IQGAP2: variants seen among roughly 807,000 people sequenced by gnomAD.
The protein encoded by IQGAP2 is ras GTPase-activating-like protein IQGAP2.
Under a neutral mutation model 201.3 loss-of-function variants are expected in IQGAP2, and 173 were observed. The observed-to-expected ratio is 0.86, with a 90% CI of 0.76 to 0.98. The LOEUF is 0.98. IQGAP2 is among the 50% of genes least tolerant of loss of function. The pLI is 0.00. For missense variants in IQGAP2, 1,687 were observed against 1,864.8 expected (o/e 0.90, Z 1.76); for synonymous variants, 675 against 673.9 (o/e 1.00, Z -0.03).
At chr5:76,623,595 G>A in intron 13 of IQGAP2, among the ~76,000 whole-genome samples, 1 of 152,176 alleles carries the variant, frequency 6.6e-6, no homozygotes, top group Middle Eastern at 3.2e-3. Flanking sequence ...ACAGAACTAA[G>A]CCAAAAACAG....
intron 13 of IQGAP2, among the ~76,000 whole-genome samples, chr5:76,618,836 G>A (rs759307244): frequency 4.6e-5 from 7 of 152,136 alleles, no homozygotes; most frequent in South Asian, 2.1e-4. Context: ...TATCTTGTGC[G>A]GAAACAAAAA....
intron 1 of IQGAP2, among the ~76,000 whole-genome samples, chr5:76,442,732 A>G (rs1192556759): frequency 6.6e-6 from 1 of 152,204 alleles, no homozygotes; most frequent in African/African-American, 2.4e-5. Context: ...CACACCTGTA[A>G]TCCCAGCACT....
At chr5:76,423,218 C>T (rs115823434) in intron 1 of IQGAP2, among the ~76,000 whole-genome samples, 24 of 152,276 alleles carry the variant, frequency 1.6e-4, no homozygotes, top group African/African-American at 5.5e-4. Context: ...TTTTTTGGCA[C>T]AGTGACTGTC....
intron 2 of IQGAP2, among the ~76,000 whole-genome samples, chr5:76,500,946 A>G (rs1273237070): frequency 6.6e-6 from 1 of 152,162 alleles, no homozygotes; most frequent in Non-Finnish European, 1.5e-5. Context: ...GAGTATGCCA[A>G]AGGACTGAGA....
At chr5:76,589,935 C>T (rs1746529019) in intron 7 of IQGAP2, among the ~76,000 whole-genome samples, 1 of 152,202 alleles carries the variant, frequency 6.6e-6, no homozygotes, top group South Asian at 2.1e-4. Flanking sequence ...ACTTGTACAA[C>T]ATGAATTGAG....
chr5:76,556,347 A>G (rs1743942586), intron 2 of IQGAP2, among the ~76,000 whole-genome samples: 1 of 152,160 alleles, frequency 6.6e-6, no homozygotes, highest in African/African-American at 2.4e-5. Flanking sequence ...AGAGAAGGGA[A>G]GATGGAGCCG....
At position 76,668,753 on chromosome 5, in the gene IQGAP2, G is replaced by C. The variant is rs1332091456; in HGVS notation, c.2752G>C (p.Val918Leu). ...QNKSTKFMDT[V>L]IFTLYNYASN... ...CAAGTCCACTAAATTTATGGATACTGTTATTTTCACACTATATAATTATGC... is the reference window on the plus strand; with the variant it reads ...CAAGTCCACTAAATTTATGGATACTCTTATTTTCACACTATATAATTATGC... The change falls in exon 23 of 36, where the codon GTT becomes CTT. Residue 918 changes from valine to leucine, a missense_variant. Physicochemically the swap from Val to Leu is conservative, Grantham distance 32. Coordinates refer to ENST00000274364, the MANE Select transcript of IQGAP2 (RefSeq NM_006633.5). The C allele has an allele frequency of 6.2e-7, 1 of 1,610,730 alleles. No individual in the cohort carries two copies. The highest frequency in any genetic ancestry group is 2.2e-5 in the East Asian group (1 of 44,696).
At chr5:76,611,283 T>C in intron 13 of IQGAP2, 100 bp downstream of exon 13, 1 of 808,870 alleles carries the variant, frequency 1.2e-6, no homozygotes, top group Non-Finnish European at 1.9e-6. Context: ...TCTCATGAGC[T>C]TCTTGTCCCA....
chr5:76,416,765 A>T (rs1303189334), intron 1 of IQGAP2, among the ~76,000 whole-genome samples: 2 of 151,814 alleles, frequency 1.3e-5, no homozygotes, highest in African/African-American at 4.8e-5. Flanking sequence ...TGACCTCGTG[A>T]TCCGCCCACC....
chr5:76,653,719 G>T (rs1012013480), intron 18 of IQGAP2, among the ~76,000 whole-genome samples: 1 of 152,204 alleles, frequency 6.6e-6, no homozygotes, highest in East Asian at 1.9e-4. Context: ...TGGAACATAT[G>T]CCTATTCTGT....
At chr5:76,529,692 T>C (rs556830808) in intron 2 of IQGAP2, among the ~76,000 whole-genome samples, 16 of 150,310 alleles carry the variant, frequency 1.1e-4, no homozygotes, top group Non-Finnish European at 2.1e-4. Context: ...ATTTTTAAAG[T>C]AATATTTAAT....
intron 2 of IQGAP2, among the ~76,000 whole-genome samples, chr5:76,540,292 T>C (rs1192294326): frequency 1.3e-5 from 2 of 152,152 alleles, no homozygotes; most frequent in Non-Finnish European, 2.9e-5. Context: ...ATTAAGTAGA[T>C]ACAAGAAAGA....
intron 32 of IQGAP2, among the ~76,000 whole-genome samples, chr5:76,697,086 C>T (rs1006214753): frequency 1.2e-4 from 18 of 152,160 alleles, no homozygotes; most frequent in Non-Finnish European, 2.4e-4. Context: ...AAACTTATAT[C>T]TGCAAGTTTA....
intron 28 of IQGAP2, among the ~76,000 whole-genome samples, chr5:76,682,466 TAAAA>T (rs113958575): frequency 2.2e-5 from 3 of 138,278 alleles, no homozygotes; most frequent in Non-Finnish European, 4.8e-5. Context: ...TTGTTTAAAT[TAAAA>T]AAAAAAAAAA....
chr5:76,567,719 A>G (rs1744852622), intron 3 of IQGAP2, among the ~76,000 whole-genome samples: 2 of 152,206 alleles, frequency 1.3e-5, no homozygotes, highest in African/African-American at 4.8e-5. Flanking sequence ...CATCTGTAAA[A>G]TAAGCAAATT....
At chr5:76,697,835 G>A (rs1746896206) in intron 32 of IQGAP2, 152 bp from the exon 33 acceptor site, 1 of 555,236 alleles carries the variant, frequency 1.8e-6, no homozygotes, top group Middle Eastern at 4.8e-4. Context: ...GGAACCCTGT[G>A]GTGTTGAGAG....
chr5:76,531,449 G>A (rs777618655), intron 2 of IQGAP2, among the ~76,000 whole-genome samples: 1 of 151,722 alleles, frequency 6.6e-6, no homozygotes, highest in South Asian at 2.1e-4. Flanking sequence ...TTTATTTTGA[G>A]GGACAGGGTT....
intron 1 of IQGAP2, among the ~76,000 whole-genome samples, chr5:76,461,054 A>G (rs1754421543): frequency 1.3e-5 from 2 of 151,278 alleles, no homozygotes; most frequent in Non-Finnish European, 1.5e-5. Context: ...AATTTTTTGT[A>G]TTTTTAGTAG....
At chr5:76,685,970 C>T (rs896465913) in intron 30 of IQGAP2, among the ~76,000 whole-genome samples, 2 of 152,228 alleles carry the variant, frequency 1.3e-5, no homozygotes, top group African/African-American at 4.8e-5. Flanking sequence ...TACTAGTCTG[C>T]ACTCTATGTC....
Sources: gnomAD v4.1 joint callset for allele counts (sites outside exome capture counted in the v4.1 genomes callset) on GRCh38, gnomAD v4.1.1 for gene constraint, MANE v1.5 for transcripts, NCBI Gene and HGNC (gene_info 2026-07-23, HGNC 2026-07-21) for gene names.